Variants in ATP13A4 observed in about 807,000 individuals in gnomAD.
The protein encoded by ATP13A4 is ATPase 13A4.
Under a neutral mutation model 142.5 loss-of-function variants are expected in ATP13A4, and 114 were observed. That is an observed-to-expected ratio of 0.80 (90% confidence interval 0.69 to 0.93). The LOEUF (loss-of-function observed/expected upper bound fraction) is 0.93, where lower values mean the gene tolerates loss of function less well. Among genes scored for constraint, ATP13A4 ranks in the 40% least tolerant of loss-of-function variants. The pLI, the probability that ATP13A4 is intolerant of heterozygous loss-of-function variation, is 0.00. For missense variants in ATP13A4, 1,392 were observed against 1,454.0 expected (o/e 0.96, Z 0.69); for synonymous variants, 488 against 514.8 (o/e 0.95, Z 0.70).
chr3:193,483,846 T>A, intron 8 of ATP13A4, 90 bp downstream of exon 8: 1 of 1,079,196 alleles, frequency 9.3e-7, no homozygotes, highest in Non-Finnish European at 1.4e-6. Flanking sequence ...AATATGAAGA[T>A]GGGAATAACA....
Position 193,400,901 on chromosome 3 carries a change from A to G in ATP13A4, c.*1751T>C, listed in dbSNP as rs1407004878. On this transcript the variant is annotated 3_prime_UTR_variant, in exon 30 of 30. Transcript: ENST00000342695. ...TTAGAGAAGGACATTCAGAACTGCC[A>G]TATCATTGCTGAGGCTGGCTTTGCA... Among the ~76,000 whole-genome samples the G allele has an allele frequency of 1.3e-5, 2 of 152,250 alleles. No individual in the cohort carries two copies. The highest frequency in any genetic ancestry group is 4.8e-5 in the African/African-American group (2 of 41,474).
intron 2 of ATP13A4, among the ~76,000 whole-genome samples, chr3:193,576,670 T>C (rs1198429474): frequency 1.3e-5 from 2 of 152,196 alleles, no homozygotes; most frequent in African/African-American, 4.8e-5. Flanking sequence ...AAGTTCTTAA[T>C]TGCAAGTAAC....
intron 2 of ATP13A4, among the ~76,000 whole-genome samples, chr3:193,507,551 CACA>C (rs1720922365): frequency 6.6e-6 from 1 of 152,056 alleles, no homozygotes; most frequent in Admixed American, 6.6e-5. Flanking sequence ...GGAGGGACAA[CACA>C]ATGAGGTTAT....
Position 193,408,197 on chromosome 3 carries a change from C to T in ATP13A4, c.3298-804G>A, listed in dbSNP as rs563523322. On this transcript the variant is annotated intron_variant, in intron 28 of 29. Transcript: ENST00000342695. ...AGTGGGAGTAAAAACTGAAACAGTT[C>T]CATAGAGGACAGTGTTCTCAAAGTT... 6.1e-4 allele frequency among the ~76,000 whole-genome samples: 93 copies of T among 152,332 alleles called. 1 individual carries two copies. Among genetic ancestry groups the T allele is most frequent in the Non-Finnish European group, 1.0e-3 (69 of 68,026 alleles).
At chr3:193,482,037 T>C (rs543741302) in intron 8 of ATP13A4, among the ~76,000 whole-genome samples, 67 of 152,246 alleles carry the variant, frequency 4.4e-4, no homozygotes, top group African/African-American at 1.6e-3. Flanking sequence ...AGGACTAACA[T>C]TACCCTATTT....
intron 13 of ATP13A4, 72 bp downstream of exon 13, chr3:193,462,690 T>A: frequency 7.0e-7 from 1 of 1,437,624 alleles, no homozygotes; most frequent in Non-Finnish European, 9.8e-7. Context: ...ATTCTTAATT[T>A]CAAGAGAAAA....
At chr3:193,425,782 A>T (rs1715629153) in intron 25 of ATP13A4, among the ~76,000 whole-genome samples, 1 of 151,804 alleles carries the variant, frequency 6.6e-6, no homozygotes, top group Non-Finnish European at 1.5e-5. Flanking sequence ...AATAGGAGGA[A>T]TAAGTTCTAT....
At chr3:193,482,326 A>G (rs1719343950) in intron 8 of ATP13A4, among the ~76,000 whole-genome samples, 1 of 152,196 alleles carries the variant, frequency 6.6e-6, no homozygotes, top group Non-Finnish European at 1.5e-5. Context: ...TAAAACTCTG[A>G]AAGACAATAC....
At chr3:193,408,243 A>G (rs530823297) in intron 28 of ATP13A4, among the ~76,000 whole-genome samples, 1 of 152,260 alleles carries the variant, frequency 6.6e-6, no homozygotes, top group Non-Finnish European at 1.5e-5. Flanking sequence ...ATCCACTTCT[A>G]GGAATTTATC....
chr3:193,454,368 G>A (rs1463231141), intron 16 of ATP13A4, among the ~76,000 whole-genome samples, 156 bp from the exon 17 acceptor site: 5 of 152,168 alleles, frequency 3.3e-5, no homozygotes, highest in African/African-American at 9.7e-5. Context: ...TAACTACATT[G>A]TCAGGGTTGA....
intron 1 of ATP13A4, among the ~76,000 whole-genome samples, chr3:193,536,994 G>A (rs893262831): frequency 2.0e-5 from 3 of 152,022 alleles, no homozygotes; most frequent in Non-Finnish European, 4.4e-5. Flanking sequence ...CATGTTTATG[G>A]TTTGGAAAGC....
chr3:193,489,161 G>C (rs1437404795), intron 7 of ATP13A4, among the ~76,000 whole-genome samples: 1 of 152,180 alleles, frequency 6.6e-6, no homozygotes, highest in African/African-American at 2.4e-5. Flanking sequence ...TCAGAGAACA[G>C]AAGAGCACCT....
chr3:193,524,408 C>T (rs1303876743), intron 1 of ATP13A4, among the ~76,000 whole-genome samples: 1 of 152,138 alleles, frequency 6.6e-6, no homozygotes, highest in Non-Finnish European at 1.5e-5. Context: ...CATTTGGTGT[C>T]CAGAGAGCTG....
Position 193,489,821 on chromosome 3 carries a change from A to C in ATP13A4, c.647T>G (p.Leu216Trp). 1 of 1,612,094 alleles carries C rather than the reference A, an allele frequency of 6.2e-7. No homozygotes were observed. Among genetic ancestry groups the C allele is most frequent in the Non-Finnish European group, 8.5e-7 (1 of 1,178,216 alleles). The part of the protein sequence containing the change: ...FYIFQLFSVC[L>W]WFSEDYKEYA... ...TTCCTTATAGTCTTCACTAAACCAC[A>C]AACAGACACTGAAGAGTTGAAATAT... Residue 216 changes from leucine to tryptophan, a missense_variant, in exon 7 of 30, where the codon TTG becomes TGG. By Grantham distance (61) the Leu-to-Trp change is moderately conservative. Transcript: ENST00000342695.
intron 25 of ATP13A4, among the ~76,000 whole-genome samples, chr3:193,426,678 C>A (rs540968600): frequency 6.6e-6 from 1 of 151,956 alleles, no homozygotes; most frequent in South Asian, 2.1e-4. Context: ...AATTGAGGGT[C>A]CAGCAATAAG....
Position 193,482,583 on chromosome 3 carries a change from TAAAC to T in ATP13A4, c.808+1349_808+1352del, listed in dbSNP as rs145489021. The stretch of plus-strand genomic sequence containing the variant: ...AATTTTAATAATAAAAATAATCTAA[TAAAC>T]AACAGATTTGAACAAATACTTCACC... On this transcript the variant is annotated intron_variant, in intron 8 of 29. Transcript: ENST00000342695. Among the ~76,000 whole-genome samples, 986 of 152,276 alleles carry T rather than the reference TAAAC, an allele frequency of 6.5e-3. 17 individuals are homozygous for T. In the East Asian group the frequency reaches 0.08, roughly 12 times the overall value.
chr3:193,508,346 C>T (rs1400043635), intron 2 of ATP13A4, among the ~76,000 whole-genome samples: 1 of 152,208 alleles, frequency 6.6e-6, no homozygotes. Context: ...AGAGTTTATT[C>T]TTAAACCACT....
At chr3:193,491,608 T>C (rs529520236) in intron 5 of ATP13A4, among the ~76,000 whole-genome samples, 5 of 152,252 alleles carry the variant, frequency 3.3e-5, no homozygotes, top group Admixed American at 2.0e-4. Flanking sequence ...CCATATTGCT[T>C]CTAGAAGCAT....
At position 193,399,619 on chromosome 3, in the gene ATP13A4, C is replaced by T. The variant is rs936200357; in HGVS notation, c.*3033G>A. Among the ~76,000 whole-genome samples the T allele has an allele frequency of 6.6e-6, 1 of 152,008 alleles. No individual in the cohort carries two copies. Among genetic ancestry groups the T allele is most frequent in the South Asian group, 2.1e-4 (1 of 4,820 alleles). On this transcript the variant is annotated 3_prime_UTR_variant, in exon 30 of 30. Coordinates refer to ENST00000342695, the MANE Select transcript of ATP13A4 (RefSeq NM_032279.4). ...ATCCCGGCACTTTGGGAGGCCGAGG[C>T]GGGCGGATCACGAGGTCAGGAGATT...
Sources: allele counts gnomAD v4.1 joint callset (sites outside exome capture counted in the v4.1 genomes callset), GRCh38; gene constraint gnomAD v4.1.1; transcripts MANE v1.5; gene names NCBI Gene and HGNC (gene_info 2026-07-23, HGNC 2026-07-21).